The following ERBB4 variants were observed in gnomAD, a reference collection of about 807,000 sequenced individuals.
ERBB4 encodes erb-b2 receptor tyrosine kinase 4, also known as receptor tyrosine-protein kinase erbB-4.
ERBB4 carries 42 observed loss-of-function variants against 158.0 expected under a neutral mutation model. That is an observed-to-expected ratio of 0.27 (90% CI 0.21 to 0.34). ERBB4 has a LOEUF of 0.34. Ranked by LOEUF, ERBB4 falls within the 10% of genes least tolerant of loss-of-function variation. The pLI, the probability that ERBB4 is intolerant of heterozygous loss-of-function variation, is 1.00. For missense variants in ERBB4, 1,333 were observed against 1,624.1 expected, an observed-to-expected ratio of 0.82 and a Z score of 3.08; for synonymous variants, 583 against 558.7, an observed-to-expected ratio of 1.04 and a Z score of -0.61.
chr2:212,265,847 C>A (rs1278973230), intron 1 of ERBB4, among the ~76,000 whole-genome samples: 1 of 151,934 alleles, frequency 6.6e-6, no homozygotes, highest in Non-Finnish European at 1.5e-5. Context: ...AAATATAAAG[C>A]CAGCAGAGAG....
Position 211,684,615 on chromosome 2 carries a change from G to C in ERBB4, c.1490-5431C>G, listed in dbSNP as rs563975585. Among the ~76,000 whole-genome samples the C allele has an allele frequency of 7.2e-5, 11 of 152,234 alleles. No homozygotes were observed. The South Asian group carries it at 2.3e-3, about 32-fold the overall frequency. ...ATGCAGACCCTGTTACAAGATTATA[G>C]TTCTCCTTAACTGCTCTATAGCTAA... is the stretch of plus-strand genomic sequence containing the variant. On this transcript the variant is annotated intron_variant, in intron 12 of 27. Coordinates refer to ENST00000342788, the MANE Select transcript of ERBB4 (RefSeq NM_005235.3).
At chr2:211,926,530 T>A (rs138426002) in intron 3 of ERBB4, among the ~76,000 whole-genome samples, 236 of 152,262 alleles carry the variant, frequency 1.5e-3, no homozygotes, top group African/African-American at 5.2e-3. Context: ...TTCAATGTTT[T>A]TCCATAAAAA....
intron 12 of ERBB4, among the ~76,000 whole-genome samples, chr2:211,693,580 TGGG>T (rs959933861): frequency 7.9e-5 from 12 of 152,160 alleles, no homozygotes; most frequent in African/African-American, 2.9e-4. Context: ...TATAGAACGA[TGGG>T]GGAATAATAT....
chr2:211,429,026 A>T (rs9288430), intron 21 of ERBB4, among the ~76,000 whole-genome samples: 80,087 of 150,484 alleles, frequency 0.53, 23,856 homozygotes, highest in African/African-American at 0.82. Context: ...TTATTTTTTT[A>T]AAAAAAAAGC....
At position 211,740,750 on chromosome 2, in the gene ERBB4, A is replaced by G. The variant is rs1194215417; in HGVS notation, c.622+9889T>C. On this transcript the variant is annotated intron_variant, in intron 5 of 27. Transcript: ENST00000342788. ...CTCAGCTTCCCGAGTAGCTGGGACT[A>G]TAGGCGCCCGCCACCACACCCGACT... Among the ~76,000 whole-genome samples the G allele has an allele frequency of 6.1e-5, 9 of 147,684 alleles. No homozygotes were observed. In the South Asian group the frequency reaches 1.9e-3, roughly 31 times the overall value.
chr2:211,691,225 TTG>T, intron 12 of ERBB4, among the ~76,000 whole-genome samples: 1 of 152,324 alleles, frequency 6.6e-6, no homozygotes, highest in East Asian at 1.9e-4. Context: ...CCAGGTAGCC[TTG>T]GGCAATTACT....
chr2:211,815,100 A>C (rs1366284531), intron 3 of ERBB4, among the ~76,000 whole-genome samples: 1 of 152,186 alleles, frequency 6.6e-6, no homozygotes, highest in Non-Finnish European at 1.5e-5. Flanking sequence ...GACTTATAAA[A>C]TTTCTATAAG....
intron 3 of ERBB4, among the ~76,000 whole-genome samples, chr2:211,882,123 A>G (rs574208881): frequency 1.3e-5 from 2 of 152,174 alleles, no homozygotes; most frequent in South Asian, 4.1e-4. Flanking sequence ...GAAAGTTATG[A>G]TGGGAAATCA....
At chr2:212,470,549 A>G (rs917387126) in intron 1 of ERBB4, among the ~76,000 whole-genome samples, 1 of 152,170 alleles carries the variant, frequency 6.6e-6, no homozygotes. Context: ...TTAAGAAGAT[A>G]TGAGACTGGA....
chr2:212,080,522 G>A (rs2125465438), intron 2 of ERBB4, among the ~76,000 whole-genome samples: 1 of 151,402 alleles, frequency 6.6e-6, no homozygotes, highest in Middle Eastern at 3.4e-3. Flanking sequence ...TTCTAGTGAA[G>A]ACCACAATTT....
chr2:211,876,785 T>G (rs1269439432), intron 3 of ERBB4, among the ~76,000 whole-genome samples: 2 of 152,218 alleles, frequency 1.3e-5, no homozygotes, highest in Non-Finnish European at 2.9e-5. Context: ...AGCTTTACAC[T>G]GAAGATCGAT....
chr2:212,400,588 C>T (rs1177361829), intron 1 of ERBB4, among the ~76,000 whole-genome samples: 3 of 152,090 alleles, frequency 2.0e-5, no homozygotes, highest in African/African-American at 4.8e-5. Flanking sequence ...GATAGATCAT[C>T]AAAATTTTAC....
Position 211,780,896 on chromosome 2 carries a change from T to C in ERBB4, c.556+7129A>G, listed in dbSNP as rs80110916. Among the ~76,000 whole-genome samples the C allele has an allele frequency of 1.1e-3, 165 of 152,334 alleles. 1 individual carries two copies. Among genetic ancestry groups the C allele is most frequent in the Non-Finnish European group, 1.5e-3 (102 of 68,028 alleles). ...GTCTGATGTTTTTCATATATTCCCATTTCCATAATTTAGGGTTTTATTTAA... is the reference window on the plus strand; with the variant it reads ...GTCTGATGTTTTTCATATATTCCCACTTCCATAATTTAGGGTTTTATTTAA... On this transcript the variant is annotated intron_variant, in intron 4 of 27. Coordinates refer to ENST00000342788, the MANE Select transcript of ERBB4 (RefSeq NM_005235.3).
intron 16 of ERBB4, among the ~76,000 whole-genome samples, chr2:211,649,173 G>A (rs1003796766): frequency 7.2e-5 from 11 of 151,766 alleles, no homozygotes; most frequent in African/African-American, 2.7e-4. Flanking sequence ...ACAGAAGTAG[G>A]CTTAATAGCT....
chr2:212,182,658 C>T (rs1283349992), intron 1 of ERBB4, among the ~76,000 whole-genome samples: 3 of 151,826 alleles, frequency 2.0e-5, no homozygotes, highest in East Asian at 1.9e-4. Flanking sequence ...TCTTCCCACC[C>T]GACTCCACCT....
At chr2:211,501,569 GT>G (rs2065618017) in intron 20 of ERBB4, among the ~76,000 whole-genome samples, 1 of 151,334 alleles carries the variant, frequency 6.6e-6, no homozygotes, top group African/African-American at 2.4e-5. Context: ...AGATATTGTT[GT>G]TTTATAATTA....
At position 212,055,548 on chromosome 2, in the gene ERBB4, C is replaced by G. The variant is rs147825145; in HGVS notation, c.234+69204G>C. On this transcript the variant is annotated intron_variant, in intron 2 of 27. Transcript: ENST00000342788. ...CCCTCCAGTAGGGGCAGACTGACAC[C>G]TCACACAGCCGGGTACCCCGCTGAG... Among the ~76,000 whole-genome samples, 87 of 152,316 alleles carry G rather than the reference C, an allele frequency of 5.7e-4. No homozygotes were observed. In the East Asian group the frequency reaches 0.016, roughly 28 times the overall value.
chr2:211,902,980 C>T (rs910591086), intron 3 of ERBB4, among the ~76,000 whole-genome samples: 3 of 151,894 alleles, frequency 2.0e-5, no homozygotes, highest in Admixed American at 6.6e-5. Flanking sequence ...ATCTATATGC[C>T]ATTGTTTCAC....
At chr2:211,867,436 AAATAAG>A (rs1242212626) in intron 3 of ERBB4, among the ~76,000 whole-genome samples, 1 of 152,236 alleles carries the variant, frequency 6.6e-6, no homozygotes, top group Admixed American at 6.5e-5. Flanking sequence ...TTTAATGATA[AAATAAG>A]AATAAAATAA....
Sources: gnomAD v4.1 joint callset for allele counts (sites outside exome capture counted in the v4.1 genomes callset) on GRCh38, gnomAD v4.1.1 for gene constraint, MANE v1.5 for transcripts, NCBI Gene and HGNC (gene_info 2026-07-23, HGNC 2026-07-21) for gene names.